The following IL1RAPL1 variants were observed in gnomAD, a reference collection of about 807,000 sequenced individuals.
The protein encoded by IL1RAPL1 is interleukin 1 receptor accessory protein like 1.
Under a neutral mutation model 48.4 loss-of-function variants are expected in IL1RAPL1, and 3 were observed. That is an observed-to-expected ratio of 0.06 (90% CI 0.03 to 0.16). IL1RAPL1 has a LOEUF of 0.16. Ranked by LOEUF, IL1RAPL1 falls within the 10% of genes least tolerant of loss-of-function variation. IL1RAPL1 has a pLI of 1.00. For synonymous variants in IL1RAPL1, 185 were observed against 187.7 expected (o/e 0.99, Z 0.12); for missense variants, 349 against 530.6 (o/e 0.66, Z 3.36).
At chrX:28,950,950 T>G (rs1221528267) in intron 2 of IL1RAPL1, among the ~76,000 whole-genome samples, 5 of 104,627 alleles carry the variant, frequency 4.8e-5, no homozygotes, top group Non-Finnish European at 9.8e-5. Context: ...CCATAAAAAA[T>G]GATGAGTTCA....
intron 6 of IL1RAPL1, among the ~76,000 whole-genome samples, chrX:29,717,685 CTA>C (rs1257209632): frequency 8.9e-6 from 1 of 112,280 alleles, no homozygotes; most frequent in Non-Finnish European, 1.9e-5. Flanking sequence ...TACATATTGT[CTA>C]TGGCTATTTT....
intron 1 of IL1RAPL1, among the ~76,000 whole-genome samples, chrX:28,604,074 A>G (rs1934057482): frequency 8.9e-6 from 1 of 112,615 alleles, no homozygotes. Flanking sequence ...TGAAGCCTAC[A>G]GTTAGATGGC....
intron 6 of IL1RAPL1, among the ~76,000 whole-genome samples, chrX:29,747,082 G>C (rs906295449): frequency 1.8e-5 from 2 of 112,432 alleles, no homozygotes; most frequent in Admixed American, 9.5e-5. Flanking sequence ...CACACACAAA[G>C]GCTGAACTGA....
At chrX:29,381,235 G>A (rs762093828) in intron 3 of IL1RAPL1, among the ~76,000 whole-genome samples, 11 of 109,137 alleles carry the variant, frequency 1.0e-4, no homozygotes, top group Admixed American at 6.9e-4. Context: ...AATAGACCAG[G>A]TAAATACAAC....
At chrX:28,861,574 G>A (rs1921944239) in intron 2 of IL1RAPL1, among the ~76,000 whole-genome samples, 1 of 111,675 alleles carries the variant, frequency 9.0e-6, no homozygotes, top group Non-Finnish European at 1.9e-5. Context: ...GAACTGCAGT[G>A]GACTCTAAAA....
At chrX:28,747,679 T>C (rs746377646) in intron 1 of IL1RAPL1, among the ~76,000 whole-genome samples, 2 of 112,375 alleles carry the variant, frequency 1.8e-5, no homozygotes, top group African/African-American at 6.4e-5. Context: ...TTGTATTCTA[T>C]ATATAATATT....
At chrX:28,805,031 C>G (rs1360575200) in intron 2 of IL1RAPL1, among the ~76,000 whole-genome samples, 1 of 110,596 alleles carries the variant, frequency 9.0e-6, no homozygotes, top group Non-Finnish European at 1.9e-5. Flanking sequence ...TCTAGGAAGT[C>G]AGGAACCATT....
intron 2 of IL1RAPL1, among the ~76,000 whole-genome samples, chrX:28,836,650 A>T (rs906957060): frequency 9.1e-6 from 1 of 109,976 alleles, no homozygotes; most frequent in African/African-American, 3.3e-5. Context: ...AAGGAAGTTG[A>T]TATTTCACCA....
At chrX:29,317,127 C>G (rs922985724) in intron 3 of IL1RAPL1, among the ~76,000 whole-genome samples, 2 of 111,441 alleles carry the variant, frequency 1.8e-5, no homozygotes, top group African/African-American at 3.3e-5. Context: ...GGACCTAATT[C>G]TAGAAGTCCT....
intron 6 of IL1RAPL1, among the ~76,000 whole-genome samples, chrX:29,885,763 G>A (rs1264065155): frequency 9.0e-6 from 1 of 111,659 alleles, no homozygotes; most frequent in Non-Finnish European, 1.9e-5. Flanking sequence ...AGGATGCAGG[G>A]AACTATGAGT....
intron 2 of IL1RAPL1, among the ~76,000 whole-genome samples, chrX:29,217,769 T>TCA (rs1461526347): frequency 8.4e-5 from 6 of 71,125 alleles, no homozygotes; most frequent in African/African-American, 3.0e-4. Flanking sequence ...TCTCTCTCTC[T>TCA]CTCTCTCTCA....
chrX:29,196,101 A>G (rs941154936), intron 2 of IL1RAPL1, among the ~76,000 whole-genome samples: 1 of 112,354 alleles, frequency 8.9e-6, no homozygotes, highest in Admixed American at 9.5e-5. Flanking sequence ...TAGATATTAA[A>G]CATTTCCAAA....
intron 8 of IL1RAPL1, among the ~76,000 whole-genome samples, chrX:29,940,690 G>A (rs748506912): frequency 9.0e-6 from 1 of 111,328 alleles, no homozygotes; most frequent in South Asian, 3.8e-4. Context: ...CAATGTCCAT[G>A]GTTCTAAAGA....
intron 5 of IL1RAPL1, among the ~76,000 whole-genome samples, chrX:29,571,233 T>C (rs1158939075): frequency 9.1e-6 from 1 of 110,484 alleles, no homozygotes; most frequent in African/African-American, 3.3e-5. Context: ...AAAATAATAA[T>C]AATAATAATA....
chrX:28,841,040 TC>T (rs1310242925), intron 2 of IL1RAPL1, among the ~76,000 whole-genome samples: 1 of 111,595 alleles, frequency 9.0e-6, no homozygotes, highest in East Asian at 2.8e-4. Flanking sequence ...AATATTTTTT[TC>T]AATATAATAT....
chrX:29,930,469 A>T (rs1047510277), intron 8 of IL1RAPL1, among the ~76,000 whole-genome samples: 1 of 111,870 alleles, frequency 8.9e-6, no homozygotes, highest in Admixed American at 9.5e-5. Flanking sequence ...TCAATTACCT[A>T]TGTTAAGGCT....
chrX:29,700,642 T>C (rs931952933), intron 6 of IL1RAPL1, among the ~76,000 whole-genome samples: 5 of 111,852 alleles, frequency 4.5e-5, no homozygotes, highest in African/African-American at 1.6e-4. Flanking sequence ...GTATTACAGC[T>C]CTGCCGGAAG....
intron 2 of IL1RAPL1, among the ~76,000 whole-genome samples, chrX:29,232,599 G>A (rs746347228): frequency 5.4e-5 from 6 of 111,157 alleles, no homozygotes; most frequent in South Asian, 7.6e-4. Context: ...TCTCTCAGAC[G>A]AGCATCCTCC....
chrX:28,892,412 G>T (rs981879063), intron 2 of IL1RAPL1, among the ~76,000 whole-genome samples: 1 of 110,342 alleles, frequency 9.1e-6, no homozygotes, highest in Non-Finnish European at 1.9e-5. Context: ...GCAAGGACCG[G>T]CCATTTTCAC....
Sources: allele counts gnomAD v4.1 joint callset (sites outside exome capture counted in the v4.1 genomes callset), GRCh38; gene constraint gnomAD v4.1.1; transcripts MANE v1.5; gene names NCBI Gene and HGNC (gene_info 2026-07-23, HGNC 2026-07-21).